PPP4R4: variants seen among roughly 807,000 people sequenced by gnomAD.
PPP4R4 encodes the protein serine/threonine-protein phosphatase 4 regulatory subunit 4.
In PPP4R4, 70 loss-of-function variants were observed where a neutral mutation model predicts 121.8. The ratio of observed to expected loss-of-function variants is 0.57; its 90% CI spans 0.47 to 0.70. The LOEUF (loss-of-function observed/expected upper bound fraction) is 0.70. Ranked by LOEUF, PPP4R4 falls within the 30% of genes least tolerant of loss-of-function variation. The probability of loss-of-function intolerance (pLI) is 0.00; values close to 1 mark genes in which losing one functional copy is unlikely to be tolerated. For synonymous variants in PPP4R4, 348 were observed against 355.7 expected (o/e 0.98, Z 0.24); for missense variants, 875 against 1,033.6 (o/e 0.85, Z 2.10).
chr14:94,262,409 G>A (rs1340814630), intron 19 of PPP4R4, among the ~76,000 whole-genome samples: 1 of 151,736 alleles, frequency 6.6e-6, no homozygotes, highest in Admixed American at 6.6e-5. Context: ...TCTTGTGTTA[G>A]GGATTTCCTC....
At chr14:94,274,108 T>C (rs1430743801) in intron 23 of PPP4R4, among the ~76,000 whole-genome samples, 1 of 152,096 alleles carries the variant, frequency 6.6e-6, no homozygotes, top group Non-Finnish European at 1.5e-5. Context: ...GTATCTGACT[T>C]TCCGTTCCTG....
At chr14:94,211,838 A>G (rs781647512) in intron 3 of PPP4R4, among the ~76,000 whole-genome samples, 1 of 152,192 alleles carries the variant, frequency 6.6e-6, no homozygotes, top group South Asian at 2.1e-4. Flanking sequence ...ATTTCGTAAC[A>G]GATTGGGTTT....
At chr14:94,211,784 A>G (rs978638625) in intron 3 of PPP4R4, among the ~76,000 whole-genome samples, 3 of 152,174 alleles carry the variant, frequency 2.0e-5, no homozygotes, top group Admixed American at 2.0e-4. Context: ...AGTAGAGAGC[A>G]GTAGACATAT....
intron 19 of PPP4R4, among the ~76,000 whole-genome samples, chr14:94,261,547 A>G (rs1893787005): frequency 6.6e-6 from 1 of 152,148 alleles, no homozygotes; most frequent in Admixed American, 6.5e-5. Flanking sequence ...TCTATTCAAT[A>G]TTTATGCCTT....
At chr14:94,175,062 C>T (rs577494011) in intron 1 of PPP4R4, among the ~76,000 whole-genome samples, 1 of 151,036 alleles carries the variant, frequency 6.6e-6, no homozygotes, top group East Asian at 2.0e-4. Flanking sequence ...GGTCCGCTGA[C>T]GCCGCCCGGG....
chr14:94,256,702 A>T, intron 17 of PPP4R4, 98 bp downstream of exon 17: 1 of 1,182,894 alleles, frequency 8.5e-7, no homozygotes, highest in Non-Finnish European at 1.1e-6. Flanking sequence ...AATATATTAC[A>T]ATATTTTTAT....
chr14:94,182,009 A>G (rs1277279144), intron 2 of PPP4R4, among the ~76,000 whole-genome samples: 1 of 152,184 alleles, frequency 6.6e-6, no homozygotes, highest in Non-Finnish European at 1.5e-5. Flanking sequence ...TTGCAGTTGC[A>G]AGGGAGTAGA....
intron 2 of PPP4R4, among the ~76,000 whole-genome samples, chr14:94,185,930 T>C (rs1178330142): frequency 1.3e-5 from 2 of 152,180 alleles, no homozygotes; most frequent in African/African-American, 4.8e-5. Context: ...CAAAAGCCAC[T>C]GGTATCTCTT....
rs1275861166 is a variant in PPP4R4 at position 94,250,274 on chromosome 14, G to A, written c.1714G>A (p.Glu572Lys). 1 of 1,582,838 alleles carries A rather than the reference G, an allele frequency of 6.3e-7. No homozygotes were observed. The highest frequency in any genetic ancestry group is 8.7e-7 in the Non-Finnish European group (1 of 1,152,700). ...ACATGAGGTCATTCAAAAATTAATT[G>A]AACGTAAGTAATCATTGTCTACTAT... is the stretch of plus-strand genomic sequence containing the variant. ...QRHEVIQKLI[E>K]QLGQGKSYWN... Residue 572 changes from glutamate to lysine, a missense_variant, in exon 15 of 25, where the codon GAA (glutamate) becomes AAA (lysine). By Grantham distance (56) the Glu-to-Lys change is moderately conservative (BLOSUM62 1). Transcript: ENST00000304338.
At chr14:94,205,323 A>G (rs1890402518) in intron 2 of PPP4R4, among the ~76,000 whole-genome samples, 1 of 152,042 alleles carries the variant, frequency 6.6e-6, no homozygotes. Flanking sequence ...TCAAATTTAT[A>G]TGTATAGAAG....
At chr14:94,258,385 A>G (rs1027018726) in intron 17 of PPP4R4, among the ~76,000 whole-genome samples, 1 of 152,226 alleles carries the variant, frequency 6.6e-6, no homozygotes, top group African/African-American at 2.4e-5. Context: ...ACTAAGGATT[A>G]TTAGGCCCCA....
At chr14:94,211,097 G>A (rs1595477170) in intron 3 of PPP4R4, among the ~76,000 whole-genome samples, 1 of 152,110 alleles carries the variant, frequency 6.6e-6, no homozygotes, top group East Asian at 1.9e-4. Flanking sequence ...TAGTAATAAT[G>A]GCATTCTCAT....
At chr14:94,234,066 G>A (rs1251375234) in intron 6 of PPP4R4, among the ~76,000 whole-genome samples, 5 of 152,054 alleles carry the variant, frequency 3.3e-5, no homozygotes, top group East Asian at 1.9e-4. Flanking sequence ...AATTGGCAGC[G>A]GCATAAAGAT....
chr14:94,204,616 C>T (rs1243122), intron 2 of PPP4R4, among the ~76,000 whole-genome samples: 69,115 of 151,890 alleles, frequency 0.46, 18,327 homozygotes, highest in Non-Finnish European at 0.61. Flanking sequence ...CTATGTCTCC[C>T]GAAATCTTGT....
intron 3 of PPP4R4, among the ~76,000 whole-genome samples, chr14:94,216,388 C>T (rs1244572131): frequency 6.6e-6 from 1 of 152,194 alleles, no homozygotes; most frequent in Non-Finnish European, 1.5e-5. Flanking sequence ...GAGGTGCCCA[C>T]CACATAAAGT....
intron 21 of PPP4R4, 93 bp downstream of exon 21, chr14:94,265,566 G>T: frequency 8.2e-6 from 9 of 1,104,090 alleles, no homozygotes; most frequent in African/African-American, 1.6e-5. Flanking sequence ...AGATACAGTA[G>T]GATAATATAT....
intron 3 of PPP4R4, 78 bp downstream of exon 3, chr14:94,208,644 G>A (rs1890587537): frequency 9.6e-7 from 1 of 1,039,412 alleles, no homozygotes; most frequent in South Asian, 1.7e-5. Flanking sequence ...GGATTTTGGA[G>A]CTTTGATGGC....
In PPP4R4 at chr14:94,252,953, A is replaced by G. The variant is rs139377413; in HGVS notation, c.1865+1057A>G. On this transcript the variant is annotated intron_variant, in intron 16 of 24. Transcript: ENST00000304338. ...TAATAGTCTTGGTGTTGAGATATAT[A>G]TGAAGATGAATTGTCAAAAGATACC... 9.8e-5 allele frequency among the ~76,000 whole-genome samples: 15 copies of G among 152,358 alleles called. 1 individual carries two copies. In the East Asian group the frequency reaches 2.9e-3, roughly 29 times the overall value.
chr14:94,242,098 A>G (rs1252693491), intron 10 of PPP4R4, 141 bp downstream of exon 10: 1 of 1,148,744 alleles, frequency 8.7e-7, no homozygotes, highest in African/African-American at 1.6e-5. Flanking sequence ...CAGAGTAAAT[A>G]TTTGTGAAAT....
Sources: gnomAD v4.1 joint callset for allele counts (sites outside exome capture counted in the v4.1 genomes callset) on GRCh38, gnomAD v4.1.1 for gene constraint, MANE v1.5 for transcripts, NCBI Gene and HGNC (gene_info 2026-07-23, HGNC 2026-07-21) for gene names.